Variants in PSMD11 observed in about 807,000 individuals in gnomAD.
PSMD11 encodes the protein proteasome 26S subunit, non-ATPase 11, also known as 26S proteasome non-ATPase regulatory subunit 11.
PSMD11 carries 5 observed loss-of-function variants against 62.3 expected under a neutral mutation model. The observed-to-expected ratio is 0.08, with a 90% CI of 0.04 to 0.17. The LOEUF (loss-of-function observed/expected upper bound fraction) is 0.17. Ranked by LOEUF, PSMD11 falls within the 10% of genes least tolerant of loss-of-function variation. The pLI, the probability that PSMD11 is intolerant of heterozygous loss-of-function variation, is 1.00. For missense variants in PSMD11, 310 were observed against 512.9 expected (o/e 0.60, Z 3.82); for synonymous variants, 191 against 191.8 (o/e 1.00, Z 0.03).
intron 1 of PSMD11, 117 bp downstream of exon 1, chr17:32,444,731 G>T (rs1191414889): frequency 9.9e-6 from 13 of 1,309,546 alleles, no homozygotes; most frequent in African/African-American, 1.5e-5. Flanking sequence ...CACTGTGTGA[G>T]GGGGGCCGGG....
chr17:32,455,626 A>G (rs1907625917), intron 3 of PSMD11, among the ~76,000 whole-genome samples: 1 of 152,228 alleles, frequency 6.6e-6, no homozygotes, highest in African/African-American at 2.4e-5. Context: ...TCTGGCTTTA[A>G]TGATTCTTTG....
intron 2 of PSMD11, among the ~76,000 whole-genome samples, chr17:32,448,456 C>T (rs551171004): frequency 2.0e-5 from 3 of 152,018 alleles, no homozygotes; most frequent in African/African-American, 7.2e-5. Context: ...CAACCTCTGC[C>T]TCCCAGGTTC....
chr17:32,473,721 T>A, intron 6 of PSMD11, 80 bp from the exon 7 acceptor site: 1 of 1,475,830 alleles, frequency 6.8e-7, no homozygotes, highest in South Asian at 1.2e-5. Flanking sequence ...TTTAGGTAGA[T>A]GTCTAAGCTG....
intron 6 of PSMD11, among the ~76,000 whole-genome samples, chr17:32,472,842 C>CT (rs74197607): frequency 0.028 from 3,519 of 124,992 alleles, 139 homozygotes; most frequent in African/African-American, 0.089. Context: ...CGGCCTTTTT[C>CT]TTTTTTTTTT....
At chr17:32,457,011 C>T (rs1907672896) in intron 3 of PSMD11, among the ~76,000 whole-genome samples, 1 of 152,180 alleles carries the variant, frequency 6.6e-6, no homozygotes, top group Non-Finnish European at 1.5e-5. Context: ...TGTGGAAATC[C>T]ATTCAAGTGC....
Position 32,456,857 on chromosome 17 carries a change from G to A in PSMD11, c.318+2238G>A, listed in dbSNP as rs147935569. Among the ~76,000 whole-genome samples, 920 of 152,012 alleles carry A rather than the reference G, an allele frequency of 6.1e-3. 8 individuals carry two copies. The highest frequency in any genetic ancestry group is 7.0e-3 in the Non-Finnish European group (477 of 67,986). On this transcript the variant is annotated intron_variant, in intron 3 of 13. Coordinates refer to ENST00000261712, the MANE Select transcript of PSMD11 (RefSeq NM_002815.4). Reference sequence around the variant, plus strand: ...TAATTTTGTATTTTTAGTAGAGACGGGGTTTCACCATGTTGGTCAGGCTGG... The same window carrying A: ...TAATTTTGTATTTTTAGTAGAGACGAGGTTTCACCATGTTGGTCAGGCTGG...
At chr17:32,478,893 C>G (rs1179458290) in intron 9 of PSMD11, among the ~76,000 whole-genome samples, 3 of 151,910 alleles carry the variant, frequency 2.0e-5, no homozygotes, top group African/African-American at 4.8e-5. Flanking sequence ...CCTTTTTGTT[C>G]TATTTTGTAT....
intron 1 of PSMD11, 87 bp downstream of exon 1, chr17:32,444,701 C>T (rs1162580603): frequency 3.9e-6 from 6 of 1,523,226 alleles, no homozygotes; most frequent in Non-Finnish European, 5.4e-6. Flanking sequence ...CCCGGCTAGC[C>T]GGCTCTGATG....
At chr17:32,448,063 T>C (rs2150827902) in intron 2 of PSMD11, among the ~76,000 whole-genome samples, 1 of 152,156 alleles carries the variant, frequency 6.6e-6, no homozygotes, top group East Asian at 1.9e-4. Context: ...GTATTTTTAA[T>C]AGAGACGAGG....
chr17:32,474,647 T>C, intron 7 of PSMD11, 117 bp from the exon 8 acceptor site: 1 of 1,001,822 alleles, frequency 1.0e-6, no homozygotes, highest in Admixed American at 1.8e-5. Context: ...TTGGGCTGAT[T>C]GTCTGTGTGG....
chr17:32,479,958 A>G, intron 11 of PSMD11, 72 bp downstream of exon 11: 1 of 1,543,140 alleles, frequency 6.5e-7, no homozygotes, highest in Non-Finnish European at 9.0e-7. Flanking sequence ...CATGCACCTG[A>G]TTGGCCTCAT....
At chr17:32,472,381 G>T (rs1908189644) in intron 6 of PSMD11, among the ~76,000 whole-genome samples, 1 of 147,968 alleles carries the variant, frequency 6.8e-6, no homozygotes, top group Non-Finnish European at 1.5e-5. Context: ...TACCACCAAG[G>T]CCGGCTAATT....
intron 2 of PSMD11, among the ~76,000 whole-genome samples, chr17:32,450,426 T>TA (rs1472017957): frequency 2.0e-5 from 3 of 149,758 alleles, no homozygotes; most frequent in Non-Finnish European, 3.0e-5. Context: ...CGGCTAATTT[T>TA]TTTTTTTTTT....
chr17:32,459,132 A>ATATATG (rs1907742789), intron 3 of PSMD11, among the ~76,000 whole-genome samples: 2 of 143,048 alleles, frequency 1.4e-5, no homozygotes, highest in South Asian at 4.3e-4. Flanking sequence ...ATATATATAT[A>ATATATG]TATATATGTA....
At chr17:32,469,273 C>A in intron 6 of PSMD11, 80 bp downstream of exon 6, 1 of 1,419,342 alleles carries the variant, frequency 7.0e-7, no homozygotes, top group Non-Finnish European at 9.4e-7. Flanking sequence ...GGGGTTGGGG[C>A]TGGAGAATAA....
At position 32,481,336 on chromosome 17, in the gene PSMD11, G is replaced by GCCA. The variant is rs1183055317; in HGVS notation, c.*598_*600dup. The GCCA allele has an allele frequency of 4.4e-5, 7 of 160,494 alleles. No individual in the cohort carries two copies. Among genetic ancestry groups the GCCA allele is most frequent in the Admixed American group, 1.9e-4 (3 of 15,414 alleles). The allele number at this position is 160,494 out of a possible 1,614,324, so 9.9% of individuals were successfully genotyped here. A position where few individuals can be genotyped will look rare whatever the true frequency, so the allele number is the denominator to read the frequency against. Reference sequence around the variant, plus strand: ...AGTAGCCGAAGGTCCTGCCGCCGCCGCCACCACCACCACCACTGCAGCAAC... The same window carrying GCCA: ...AGTAGCCGAAGGTCCTGCCGCCGCCGCCACCACCACCACCACCACTGCAGCAAC... On this transcript the variant is annotated 3_prime_UTR_variant, in exon 14 of 14. Coordinates refer to ENST00000261712, the MANE Select transcript of PSMD11 (RefSeq NM_002815.4).
At chr17:32,467,500 C>T (rs1225906409) in intron 5 of PSMD11, among the ~76,000 whole-genome samples, 2 of 152,222 alleles carry the variant, frequency 1.3e-5, no homozygotes, top group African/African-American at 4.8e-5. Flanking sequence ...CCCGCCTTGG[C>T]CTCCCAAAGT....
chr17:32,450,499 T>A (rs1403117838), intron 2 of PSMD11, among the ~76,000 whole-genome samples: 1 of 149,342 alleles, frequency 6.7e-6, no homozygotes, highest in African/African-American at 2.5e-5. Flanking sequence ...ACTCCTGACC[T>A]CAGGTGATCC....
chr17:32,473,781 C>T lies in PSMD11; in HGVS notation c.644-20C>T, dbSNP rs777506730. On this transcript the variant is annotated intron_variant, in intron 6 of 13. Coordinates refer to ENST00000261712, the MANE Select transcript of PSMD11 (RefSeq NM_002815.4). ...CTCTATTATTTTATATGTTCTTATT[C>T]CTTTCTTTTCAATGCCCAGGTATTA... The T allele has an allele frequency of 6.2e-7, 1 of 1,611,572 alleles. No individual in the cohort carries two copies. Among genetic ancestry groups the T allele is most frequent in the East Asian group, 2.2e-5 (1 of 44,870 alleles).
Sources: allele counts gnomAD v4.1 joint callset (sites outside exome capture counted in the v4.1 genomes callset), GRCh38; gene constraint gnomAD v4.1.1; transcripts MANE v1.5; gene names NCBI Gene and HGNC (gene_info 2026-07-23, HGNC 2026-07-21).